SRGAP3: variants seen among roughly 807,000 people sequenced by gnomAD.
SRGAP3 encodes the protein SLIT-ROBO Rho GTPase activating protein 3.
A neutral mutation model predicts 121.1 loss-of-function variants in SRGAP3; 39 were observed. That is an observed-to-expected ratio of 0.32 (90% CI 0.25 to 0.42). SRGAP3 has a LOEUF of 0.42. Ranked by LOEUF, SRGAP3 falls within the 10% of genes least tolerant of loss-of-function variation. The pLI is 1.00. For missense variants in SRGAP3, 1,213 were observed against 1,470.6 expected, an observed-to-expected ratio of 0.82 and a Z score of 2.86; for synonymous variants, 601 against 570.0, an observed-to-expected ratio of 1.05 and a Z score of -0.77.
intron 1 of SRGAP3, among the ~76,000 whole-genome samples, chr3:9,187,863 C>CACCAGGG (rs1951647243): frequency 6.6e-6 from 1 of 152,210 alleles, no homozygotes; most frequent in African/African-American, 2.4e-5. Context: ...ACCTGCAATC[C>CACCAGGG]TTCATATTCA....
chr3:9,338,807 G>T (rs1249797845), intron 1 of SRGAP3, among the ~76,000 whole-genome samples: 1 of 152,162 alleles, frequency 6.6e-6, no homozygotes, highest in East Asian at 1.9e-4. Flanking sequence ...CAGAACACAA[G>T]TCAACTGTAG....
chr3:9,231,631 C>A (rs1953214781), intron 1 of SRGAP3, among the ~76,000 whole-genome samples: 1 of 152,122 alleles, frequency 6.6e-6, no homozygotes, highest in Admixed American at 6.5e-5. Context: ...TGTGGCAGGC[C>A]CTAAGCACAA....
chr3:9,056,197 A>C (rs1945814899), intron 8 of SRGAP3, 36 bp downstream of exon 8: 3 of 1,609,716 alleles, frequency 1.9e-6, no homozygotes, highest in Admixed American at 1.7e-5. Context: ...AGGCCTTCCA[A>C]AGAAAATCCC....
At chr3:9,321,978 T>A (rs113701901) in intron 3 of SRGAP3, among the ~76,000 whole-genome samples, 25 of 150,354 alleles carry the variant, frequency 1.7e-4, no homozygotes, top group Middle Eastern at 3.5e-3. Context: ...ACTTAAAAAA[T>A]AATAATAATA....
At chr3:9,019,310 T>C (rs1943795913) in intron 14 of SRGAP3, among the ~76,000 whole-genome samples, 1 of 152,234 alleles carries the variant, frequency 6.6e-6, no homozygotes, top group Admixed American at 6.5e-5. Context: ...TGCCATTTTA[T>C]ATTCCTACCA....
chr3:9,346,393 C>G (rs1449750236), intron 1 of SRGAP3, among the ~76,000 whole-genome samples: 2 of 152,252 alleles, frequency 1.3e-5, no homozygotes, highest in South Asian at 2.1e-4. Context: ...TAGGCACTTG[C>G]CAGCATGCCA....
chr3:9,224,431 C>T (rs1181115367), intron 1 of SRGAP3, among the ~76,000 whole-genome samples: 1 of 152,218 alleles, frequency 6.6e-6, no homozygotes, highest in South Asian at 2.1e-4. Flanking sequence ...CCTGTTCAGG[C>T]AGGTCAGAGG....
chr3:9,055,618 T>C (rs1225278175), intron 8 of SRGAP3, among the ~76,000 whole-genome samples: 2 of 152,222 alleles, frequency 1.3e-5, no homozygotes, highest in Non-Finnish European at 2.9e-5. Context: ...CCATGACAAA[T>C]TTAGTGTGCC....
chr3:9,121,332 G>C (rs1456641586), intron 2 of SRGAP3, among the ~76,000 whole-genome samples: 1 of 152,182 alleles, frequency 6.6e-6, no homozygotes, highest in African/African-American at 2.4e-5. Context: ...TCTTTACGAC[G>C]GTGAGACAAG....
intron 2 of SRGAP3, among the ~76,000 whole-genome samples, chr3:9,105,925 A>T (rs1226889484): frequency 1.3e-5 from 2 of 152,248 alleles, no homozygotes; most frequent in Non-Finnish European, 1.5e-5. Flanking sequence ...ACGGATGGGC[A>T]AAATCATTGC....
At chr3:9,203,996 A>G (rs1439348311) in intron 1 of SRGAP3, among the ~76,000 whole-genome samples, 1 of 152,122 alleles carries the variant, frequency 6.6e-6, no homozygotes, top group Non-Finnish European at 1.5e-5. Context: ...CCACCAAAAC[A>G]TGAGAGGAGG....
chr3:9,070,360 T>C (rs1476602954), intron 4 of SRGAP3, among the ~76,000 whole-genome samples: 1 of 152,106 alleles, frequency 6.6e-6, no homozygotes, highest in Admixed American at 6.5e-5. Flanking sequence ...CATTTGTGTA[T>C]GGGTGAAACC....
intron 4 of SRGAP3, among the ~76,000 whole-genome samples, chr3:9,071,796 G>A (rs937833409): frequency 3.9e-5 from 6 of 152,036 alleles, no homozygotes; most frequent in Admixed American, 6.6e-5. Context: ...GTATATTGGC[G>A]GGGAGAACAG....
At chr3:9,185,336 C>T (rs1289211874) in intron 1 of SRGAP3, among the ~76,000 whole-genome samples, 1 of 152,176 alleles carries the variant, frequency 6.6e-6, no homozygotes, top group Non-Finnish European at 1.5e-5. Context: ...GCCCCTCACA[C>T]TAGCTACCCT....
chr3:9,315,901 T>C (rs1470477586), intron 3 of SRGAP3, among the ~76,000 whole-genome samples: 1 of 152,236 alleles, frequency 6.6e-6, no homozygotes, highest in Non-Finnish European at 1.5e-5. Flanking sequence ...TTACTTAAAC[T>C]ATATTTATTA....
chr3:9,251,765 A>T (rs569348525), upstream of SRGAP3, among the ~76,000 whole-genome samples: 43 of 152,346 alleles, frequency 2.8e-4, no homozygotes, highest in African/African-American at 9.6e-4. Context: ...AAGATGGTAT[A>T]GCGCTCTGAG....
chr3:9,124,639 G>A, intron 2 of SRGAP3, 86 bp downstream of exon 2: 1 of 1,562,538 alleles, frequency 6.4e-7, no homozygotes. Flanking sequence ...AATGAAGCTG[G>A]CTGGCCTCCT....
intron 1 of SRGAP3, among the ~76,000 whole-genome samples, chr3:9,244,439 A>G (rs1044655677): frequency 8.0e-5 from 6 of 74,600 alleles, no homozygotes; most frequent in African/African-American, 3.2e-4. Context: ...TGAATATGTA[A>G]CAAAAAAAAA....
chr3:9,201,507 C>T (rs777245024), intron 1 of SRGAP3, among the ~76,000 whole-genome samples: 2 of 152,246 alleles, frequency 1.3e-5, no homozygotes, highest in Non-Finnish European at 2.9e-5. Flanking sequence ...GCGTCCCCGC[C>T]CTGTGTGCCT....
Sources: gnomAD v4.1 joint callset for allele counts (sites outside exome capture counted in the v4.1 genomes callset) on GRCh38, gnomAD v4.1.1 for gene constraint, MANE v1.5 for transcripts, NCBI Gene and HGNC (gene_info 2026-07-23, HGNC 2026-07-21) for gene names.